The following NDC1 variants were observed in gnomAD, a reference collection of about 807,000 sequenced individuals.
The protein encoded by NDC1 is NDC1 transmembrane nucleoporin.
A neutral mutation model predicts 89.8 loss-of-function variants in NDC1; 24 were observed. That is an observed-to-expected ratio of 0.27 (90% CI 0.19 to 0.38). The LOEUF is 0.38. Among genes scored for constraint, NDC1 ranks in the 10% least tolerant of loss-of-function variants. The pLI is 1.00. For missense variants in NDC1, 728 were observed against 797.6 expected, an observed-to-expected ratio of 0.91 and a Z score of 1.05; for synonymous variants, 296 against 284.8, an observed-to-expected ratio of 1.04 and a Z score of -0.39.
At chr1:53,834,394 C>T (rs1649163017) in intron 2 of NDC1, among the ~76,000 whole-genome samples, 1 of 152,214 alleles carries the variant, frequency 6.6e-6, no homozygotes, top group Admixed American at 6.5e-5. Context: ...GGCTTAATTT[C>T]ACCTGACCAG....
intron 7 of NDC1, among the ~76,000 whole-genome samples, chr1:53,808,877 G>A (rs1648201660): frequency 6.6e-6 from 1 of 152,158 alleles, no homozygotes; most frequent in South Asian, 2.1e-4. Context: ...TACCATGTAT[G>A]TCAATATTCC....
intron 16 of NDC1, among the ~76,000 whole-genome samples, chr1:53,776,561 G>C (rs1289963097): frequency 6.6e-6 from 1 of 152,144 alleles, no homozygotes; most frequent in Non-Finnish European, 1.5e-5. Context: ...GTATCTATCA[G>C]AAAATATAAG....
chr1:53,837,672 T>C (rs1649281449), intron 1 of NDC1, among the ~76,000 whole-genome samples: 1 of 152,102 alleles, frequency 6.6e-6, no homozygotes, highest in Non-Finnish European at 1.5e-5. Flanking sequence ...CCAAAAGGGA[T>C]CTTTCTCCTC....
chr1:53,833,058 G>A (rs1048167221), intron 2 of NDC1, among the ~76,000 whole-genome samples: 3 of 152,110 alleles, frequency 2.0e-5, no homozygotes, highest in African/African-American at 4.8e-5. Context: ...TGAGTTATTC[G>A]TACCTGGCCC....
chr1:53,821,309 T>C (rs1414663513), intron 5 of NDC1, among the ~76,000 whole-genome samples: 2 of 152,050 alleles, frequency 1.3e-5, no homozygotes, highest in African/African-American at 4.8e-5. Flanking sequence ...TAAGGCACGG[T>C]GGCAGGCGCC....
intron 16 of NDC1, among the ~76,000 whole-genome samples, chr1:53,784,890 G>A (rs553123331): frequency 6.6e-5 from 10 of 151,666 alleles, no homozygotes; most frequent in African/African-American, 1.7e-4. Context: ...ACCAGGATAC[G>A]GAGCTTGCAG....
At chr1:53,798,648 G>A (rs1051447709) in intron 11 of NDC1, among the ~76,000 whole-genome samples, 3 of 150,262 alleles carry the variant, frequency 2.0e-5, no homozygotes, top group African/African-American at 7.3e-5. Flanking sequence ...TCCACCTCCC[G>A]AGTTCAAGCA....
intron 16 of NDC1, among the ~76,000 whole-genome samples, chr1:53,779,329 A>T (rs183820960): frequency 9.1e-4 from 138 of 152,156 alleles, no homozygotes; most frequent in Non-Finnish European, 1.8e-3. Context: ...TGATGTTTAG[A>T]GATTGCCATA....
chr1:53,836,737 T>G (rs1437380936), intron 1 of NDC1, among the ~76,000 whole-genome samples: 1 of 151,934 alleles, frequency 6.6e-6, no homozygotes, highest in Non-Finnish European at 1.5e-5. Flanking sequence ...CCCAAAGTGT[T>G]AAGATTACAG....
chr1:53,824,213 G>A (rs1374764610), intron 5 of NDC1, among the ~76,000 whole-genome samples: 4 of 143,020 alleles, frequency 2.8e-5, no homozygotes, highest in South Asian at 2.2e-4. Context: ...CAGCCTGAGT[G>A]ACAGAGCAAG....
intron 17 of NDC1, among the ~76,000 whole-genome samples, chr1:53,770,547 T>A (rs1455705092): frequency 6.6e-6 from 1 of 152,150 alleles, no homozygotes; most frequent in Non-Finnish European, 1.5e-5. Flanking sequence ...CCTCAGATGA[T>A]CCGCCCGCCT....
At chr1:53,769,821 A>G (rs1462504462) in intron 17 of NDC1, among the ~76,000 whole-genome samples, 4 of 152,262 alleles carry the variant, frequency 2.6e-5, no homozygotes, top group African/African-American at 9.6e-5. Flanking sequence ...AAACTGTATC[A>G]GAAAGATTCA....
chr1:53,835,477 TC>T (rs1341380144), intron 2 of NDC1, 22 bp downstream of exon 2: 4 of 1,586,908 alleles, frequency 2.5e-6, no homozygotes, highest in Admixed American at 1.9e-5. Flanking sequence ...TATAACTTTC[TC>T]CCCAAGTTGA....
chr1:53,830,169 C>A (rs890264028), intron 3 of NDC1, among the ~76,000 whole-genome samples: 5 of 146,892 alleles, frequency 3.4e-5, no homozygotes, highest in African/African-American at 1.3e-4. Flanking sequence ...AGAAAGAAAG[C>A]GAGGCTGGGC....
chr1:53,781,940 A>G (rs1647212442), intron 16 of NDC1, among the ~76,000 whole-genome samples: 1 of 152,224 alleles, frequency 6.6e-6, no homozygotes, highest in South Asian at 2.1e-4. Context: ...CAAGCATTTA[A>G]TAAGTGCCTG....
chr1:53,830,536 T>C (rs908676911), intron 3 of NDC1, among the ~76,000 whole-genome samples: 3 of 152,080 alleles, frequency 2.0e-5, no homozygotes, highest in Non-Finnish European at 4.4e-5. Context: ...TTACGCCAGA[T>C]TTTACAAGGA....
intron 16 of NDC1, among the ~76,000 whole-genome samples, chr1:53,781,987 A>G (rs1168595848): frequency 6.6e-6 from 1 of 152,240 alleles, no homozygotes; most frequent in Non-Finnish European, 1.5e-5. Flanking sequence ...ATGGGAATAG[A>G]GGCGAGACAA....
intron 2 of NDC1, among the ~76,000 whole-genome samples, chr1:53,833,062 C>T (rs1170282530): frequency 6.6e-6 from 1 of 152,170 alleles, no homozygotes; most frequent in Non-Finnish European, 1.5e-5. Flanking sequence ...TTATTCGTAC[C>T]TGGCCCCAGG....
intron 5 of NDC1, among the ~76,000 whole-genome samples, chr1:53,821,268 T>C (rs1039872568): frequency 1.1e-4 from 16 of 151,922 alleles, no homozygotes; most frequent in Middle Eastern, 3.4e-3. Context: ...GCCCCGTCTC[T>C]ACTAAAAATA....
Sources: gnomAD v4.1 joint callset for allele counts (sites outside exome capture counted in the v4.1 genomes callset) on GRCh38, gnomAD v4.1.1 for gene constraint, MANE v1.5 for transcripts, NCBI Gene and HGNC (gene_info 2026-07-23, HGNC 2026-07-21) for gene names.